PRSS38: variants seen among roughly 807,000 people sequenced by gnomAD.
The protein encoded by PRSS38 is marapsin 2.
A neutral mutation model predicts 26.8 loss-of-function variants in PRSS38; 22 were observed. The ratio of observed to expected loss-of-function variants is 0.82; its 90% confidence interval spans 0.59 to 1.17. The LOEUF (loss-of-function observed/expected upper bound fraction) is 1.17, where lower values mean the gene tolerates loss of function less well. PRSS38 is among the 50% of genes most tolerant of loss of function. The probability of loss-of-function intolerance (pLI) is 0.00; values close to 1 mark genes in which losing one functional copy is unlikely to be tolerated. For missense variants in PRSS38, 427 were observed against 422.7 expected (o/e 1.01, Z -0.09); for synonymous variants, 175 against 172.1 (o/e 1.02, Z -0.13).
intron 3 of PRSS38, among the ~76,000 whole-genome samples, chr1:227,826,934 A>G (rs912995151): frequency 7.9e-5 from 12 of 152,202 alleles, no homozygotes; most frequent in African/African-American, 2.7e-4. Flanking sequence ...TATTGAGATA[A>G]TCATATGGTT....
At chr1:227,823,916 T>C (rs920289957) in intron 3 of PRSS38, among the ~76,000 whole-genome samples, 2 of 152,204 alleles carry the variant, frequency 1.3e-5, no homozygotes, top group African/African-American at 4.8e-5. Flanking sequence ...GCAATAAACA[T>C]GTGAGTGCAG....
chr1:227,846,199 A>G, exon 5 of PRSS38: 1 of 1,609,658 alleles, frequency 6.2e-7, no homozygotes, highest in East Asian at 2.2e-5. Context: ...CTGGCTGGTC[A>G]GTGCTGTGAG....
At chr1:227,829,552 C>T (rs1665122166) in intron 3 of PRSS38, among the ~76,000 whole-genome samples, 1 of 152,060 alleles carries the variant, frequency 6.6e-6, no homozygotes, top group South Asian at 2.1e-4. Context: ...TTTTATTGTA[C>T]ATATGTTTAC....
chr1:227,816,141 C>G lies in PRSS38; in HGVS notation c.200C>G (p.Pro67Arg), dbSNP rs149134279. 797 of 1,613,640 alleles carry G rather than the reference C, an allele frequency of 4.9e-4. 5 individuals are homozygous for G. Among genetic ancestry groups the G allele is most frequent in the Non-Finnish European group, 9.1e-5 (107 of 1,179,924 alleles). Residue 67 changes from proline to arginine, a missense_variant, in exon 2 of 5, where the codon CCC becomes CGC. By Grantham distance (103) the Pro-to-Arg change is moderately radical. Transcript: ENST00000366757. The surrounding 1 kb of genome is among the most constrained non-coding windows in gnomAD (Gnocchi z 5.1). ...AAAATCCTGGGCGGCGTCCCTGCGC[C>G]CGAGAGGAAGTGGCCGTGGCAGGTC...
chr1:227,817,191 C>A lies in PRSS38; in HGVS notation c.312-18C>A. The A allele has an allele frequency of 6.2e-7, 1 of 1,607,358 alleles. No individual in the cohort carries two copies. Among genetic ancestry groups the A allele is most frequent in the East Asian group, 2.2e-5 (1 of 44,728 alleles). On this transcript the variant is annotated intron_variant, in intron 2 of 4. Transcript: ENST00000366757. Reference sequence around the variant, plus strand: ...ACAGGAAGCTGCGGGCATTGTACCTCTGTTCTCACCCCCACAGGGACAAGA... The same window carrying A: ...ACAGGAAGCTGCGGGCATTGTACCTATGTTCTCACCCCCACAGGGACAAGA...
chr1:227,823,676 C>A (rs1307382288), intron 3 of PRSS38, among the ~76,000 whole-genome samples: 1 of 152,190 alleles, frequency 6.6e-6, no homozygotes, highest in African/African-American at 2.4e-5. Flanking sequence ...ATCTCTCTTA[C>A]TTCCTCTTGC....
chr1:227,845,654 C>A, intron 4 of PRSS38, 42 bp downstream of exon 4: 1 of 1,595,548 alleles, frequency 6.3e-7, no homozygotes. Context: ...CATGGGTGCC[C>A]TGTGCCTGTG....
intron 3 of PRSS38, among the ~76,000 whole-genome samples, chr1:227,832,138 G>T (rs1481190385): frequency 1.3e-5 from 2 of 152,096 alleles, no homozygotes; most frequent in South Asian, 2.1e-4. Flanking sequence ...ATTACTATTT[G>T]CACGGATATC....
chr1:227,832,885 C>T (rs1665176488), intron 3 of PRSS38, among the ~76,000 whole-genome samples: 1 of 152,116 alleles, frequency 6.6e-6, no homozygotes, highest in Non-Finnish European at 1.5e-5. Flanking sequence ...TCTATACAAC[C>T]TCAATGAACA....
At chr1:227,823,319 T>G (rs1479129812) in intron 3 of PRSS38, among the ~76,000 whole-genome samples, 1 of 151,438 alleles carries the variant, frequency 6.6e-6, no homozygotes, top group Non-Finnish European at 1.5e-5. Flanking sequence ...TATTATTTAT[T>G]TATACATATA....
At chr1:227,822,910 C>A (rs1355163974) in intron 3 of PRSS38, among the ~76,000 whole-genome samples, 4 of 152,094 alleles carry the variant, frequency 2.6e-5, no homozygotes, top group Non-Finnish European at 4.4e-5. Context: ...TTCTAAAAAT[C>A]TTTTCCAATT....
Position 227,816,210 on chromosome 1 carries a change from T to G in PRSS38, c.269T>G (p.Leu90Arg). Residue 90 changes from leucine (L) to arginine (R), a missense_variant, in exon 2 of 5, where the codon CTC (leucine) becomes CGC (arginine). Leu to Arg is a moderately radical substitution (Grantham distance 102). Coordinates refer to ENST00000366757, the Ensembl canonical transcript of PRSS38. This position sits in a 1 kb window ranked among gnomAD's most constrained non-coding sequence, Gnocchi z 5.1. Reference sequence around the variant, plus strand: ...CTCCACGTCTGCGGCGGCTCCATCCTCAATGAGTACTGGGTGCTGTCAGCT... The same window carrying G: ...CTCCACGTCTGCGGCGGCTCCATCCGCAATGAGTACTGGGTGCTGTCAGCT... The G allele has an allele frequency of 1.9e-6, 3 of 1,613,628 alleles. No homozygotes were observed. The highest frequency in any genetic ancestry group is 2.2e-5 in the South Asian group (2 of 91,072).
At chr1:227,843,206 C>T (rs1237856536) in intron 3 of PRSS38, among the ~76,000 whole-genome samples, 1 of 152,180 alleles carries the variant, frequency 6.6e-6, no homozygotes. Flanking sequence ...CTGCAGGCCG[C>T]AAGACTTGGT....
At chr1:227,833,778 C>T (rs1191031537) in intron 3 of PRSS38, among the ~76,000 whole-genome samples, 1 of 152,162 alleles carries the variant, frequency 6.6e-6, no homozygotes, top group African/African-American at 2.4e-5. Flanking sequence ...TGGACCCTTA[C>T]TTCATACCAT....
At chr1:227,832,365 C>T (rs1255159420) in intron 3 of PRSS38, among the ~76,000 whole-genome samples, 1 of 152,152 alleles carries the variant, frequency 6.6e-6, no homozygotes, top group South Asian at 2.1e-4. Flanking sequence ...CCTATATACT[C>T]TCTTTCCTCT....
At chr1:227,824,712 T>A (rs1360453823) in intron 3 of PRSS38, among the ~76,000 whole-genome samples, 6 of 152,176 alleles carry the variant, frequency 3.9e-5, no homozygotes, top group Non-Finnish European at 7.4e-5. Flanking sequence ...TCCTTTGTTC[T>A]TACAACCTCA....
upstream of PRSS38, chr1:227,815,688 C>T (rs759492861): frequency 1.9e-6 from 3 of 1,547,180 alleles, no homozygotes; most frequent in Admixed American, 5.8e-5. Context: ...GGGAGCTAGT[C>T]ACCCGCTGGG....
chr1:227,820,657 ATTC>A (rs1284758398), intron 3 of PRSS38, among the ~76,000 whole-genome samples: 35 of 152,150 alleles, frequency 2.3e-4, no homozygotes, highest in African/African-American at 7.7e-4. Context: ...TTACATCTAT[ATTC>A]TTAAAGGTAT....
At chr1:227,843,592 C>G (rs771845829) in intron 3 of PRSS38, among the ~76,000 whole-genome samples, 2 of 151,962 alleles carry the variant, frequency 1.3e-5, no homozygotes, top group Non-Finnish European at 2.9e-5. Flanking sequence ...ATCCCAGCTA[C>G]TTGGGAGTCT....
Sources: gnomAD v4.1 joint callset for allele counts (sites outside exome capture counted in the v4.1 genomes callset) on GRCh38, gnomAD v4.1.1 for gene constraint, Gnocchi (gnomAD v3.1) non-coding constraint, MANE v1.5 for transcripts, NCBI Gene and HGNC (gene_info 2026-07-23, HGNC 2026-07-21) for gene names.